CTSC: variants seen among roughly 807,000 people sequenced by gnomAD.
The protein encoded by CTSC is cathepsin C.
In CTSC, 37 loss-of-function variants were observed where a neutral mutation model predicts 40.9. The ratio of observed to expected loss-of-function variants is 0.91; its 90% confidence interval spans 0.70 to 1.19. The LOEUF (loss-of-function observed/expected upper bound fraction) is 1.19, where lower values mean the gene tolerates loss of function less well. CTSC is among the 50% of genes most tolerant of loss of function. The pLI, the probability that CTSC is intolerant of heterozygous loss-of-function variation, is 0.00. For synonymous variants in CTSC, 232 were observed against 207.4 expected, an observed-to-expected ratio of 1.12 and a Z score of -1.02; for missense variants, 594 against 567.3, an observed-to-expected ratio of 1.05 and a Z score of -0.48.
At chr11:88,305,374 C>G (rs902859519) in intron 4 of CTSC, among the ~76,000 whole-genome samples, 1 of 152,138 alleles carries the variant, frequency 6.6e-6, no homozygotes, top group African/African-American at 2.4e-5. Flanking sequence ...GATCAGGACC[C>G]CTTTCCAGTA....
chr11:88,327,088 A>T (rs1451762598), intron 2 of CTSC, among the ~76,000 whole-genome samples: 1 of 152,234 alleles, frequency 6.6e-6, no homozygotes, highest in East Asian at 1.9e-4. Context: ...AAACTATTTA[A>T]TACATTCTAT....
intron 2 of CTSC, chr11:88,326,050 T>A: frequency 9.0e-7 from 1 of 1,107,490 alleles, no homozygotes; most frequent in African/African-American, 1.6e-5. Flanking sequence ...AAAATCACTG[T>A]AATAGAAGGG....
At position 88,296,157 on chromosome 11, in the gene CTSC, C is replaced by T. The variant is rs951902713; in HGVS notation, c.865G>A (p.Val289Met). ...CCTTGAGCATACTGGCTACAAGACA[C>T]AACCTCCTGAGGGCTTAGGATTGGG... Reference protein sequence around the residue: ...QTPILSPQEVVSCSQYAQGCE... With the variant: ...QTPILSPQEVMSCSQYAQGCE... The change falls in exon 6 of 7, where the codon GTG becomes ATG. Residue 289 changes from valine (V) to methionine (M), a missense_variant. Transcript: ENST00000227266. 7 of 1,613,884 alleles carry T rather than the reference C, an allele frequency of 4.3e-6. No individual in the cohort carries two copies. Among genetic ancestry groups the T allele is most frequent in the Non-Finnish European group, 5.9e-6 (7 of 1,179,930 alleles).
At chr11:88,326,441 T>C (rs1938190531) in intron 2 of CTSC, 1 of 1,607,488 alleles carries the variant, frequency 6.2e-7, no homozygotes, top group South Asian at 1.1e-5. Flanking sequence ...CTCTATTTAA[T>C]AACTACAAGA....
intron 2 of CTSC, among the ~76,000 whole-genome samples, chr11:88,319,482 G>A (rs1937949495): frequency 6.6e-6 from 1 of 151,972 alleles, no homozygotes; most frequent in Admixed American, 6.6e-5. Flanking sequence ...AATTCTTTAA[G>A]ATTTTAAAAC....
At chr11:88,299,584 G>A (rs1944335780) in intron 5 of CTSC, 1 of 152,088 alleles carries the variant, frequency 6.6e-6, no homozygotes, top group East Asian at 1.9e-4. Context: ...GAGCTTGGAG[G>A]GCAAGTGATG....
intron 2 of CTSC, among the ~76,000 whole-genome samples, chr11:88,320,276 T>C (rs921353312): frequency 1.3e-5 from 2 of 152,226 alleles, no homozygotes; most frequent in Non-Finnish European, 2.9e-5. Flanking sequence ...TTTCCAGTGC[T>C]GAAAGGACAT....
chr11:88,308,122 G>A (rs998870953), intron 4 of CTSC, among the ~76,000 whole-genome samples: 1 of 152,190 alleles, frequency 6.6e-6, no homozygotes, highest in African/African-American at 2.4e-5. Context: ...AACTATGAGA[G>A]TGAAAGAGAG....
chr11:88,295,360 C>A (rs1324695281), intron 6 of CTSC, among the ~76,000 whole-genome samples: 1 of 152,016 alleles, frequency 6.6e-6, no homozygotes, highest in Admixed American at 6.6e-5. Flanking sequence ...CACATACAGC[C>A]TGATCTGAAA....
intron 2 of CTSC, chr11:88,326,234 G>A: frequency 6.8e-7 from 1 of 1,481,140 alleles, no homozygotes; most frequent in South Asian, 1.4e-5. Context: ...GGAGTGTTCA[G>A]GAGGGCAGCT....
At chr11:88,305,187 T>A (rs1250035434) in intron 4 of CTSC, among the ~76,000 whole-genome samples, 1 of 152,132 alleles carries the variant, frequency 6.6e-6, no homozygotes, top group East Asian at 1.9e-4. Flanking sequence ...TTGTTTAGCA[T>A]ACAATCAAGA....
At chr11:88,316,997 T>G (rs1399139001) in intron 2 of CTSC, among the ~76,000 whole-genome samples, 1 of 152,000 alleles carries the variant, frequency 6.6e-6, no homozygotes, top group Non-Finnish European at 1.5e-5. Context: ...GATGGAGTCT[T>G]GTTCTGTCAC....
At chr11:88,333,632 G>C (rs1309124317) in intron 2 of CTSC, among the ~76,000 whole-genome samples, 3 of 152,100 alleles carry the variant, frequency 2.0e-5, no homozygotes, top group Admixed American at 2.0e-4. Flanking sequence ...TTATTTTCAG[G>C]TTAAATATAC....
chr11:88,304,773 T>C (rs1937615816), intron 4 of CTSC, among the ~76,000 whole-genome samples: 1 of 152,172 alleles, frequency 6.6e-6, no homozygotes, highest in South Asian at 2.1e-4. Flanking sequence ...TCCTCACTGC[T>C]ACACTCCCAC....
At position 88,296,229 on chromosome 11, in the gene CTSC, C is replaced by T. The variant is rs1363881627; in HGVS notation, c.793G>A (p.Gly265Ser). Reference sequence around the variant, plus strand: ...ATACGGATTCTCGCTTCTAGCATACCCATAGAAGCAAATGAGTAGCAGCTG... The same window carrying T: ...ATACGGATTCTCGCTTCTAGCATACTCATAGAAGCAAATGAGTAGCAGCTG... ...CGSCYSFASM[G>S]MLEARIRILT... The change falls in exon 6 of 7, where the codon GGT (glycine) becomes AGT (serine). Residue 265 changes from glycine (G) to serine (S), a missense_variant. Gly to Ser is a moderately conservative substitution (Grantham distance 56). Transcript: ENST00000227266. 2 of 1,613,766 alleles carry T rather than the reference C, an allele frequency of 1.2e-6. No individual in the cohort carries two copies. The highest frequency in any genetic ancestry group is 2.2e-5 in the East Asian group (1 of 44,876).
At chr11:88,301,981 T>C (rs1369083527) in intron 4 of CTSC, among the ~76,000 whole-genome samples, 1 of 152,068 alleles carries the variant, frequency 6.6e-6, no homozygotes. Flanking sequence ...CCCTAAGAGT[T>C]TTTCCCTAAC....
intron 5 of CTSC, 117 bp from the exon 6 acceptor site, chr11:88,296,381 A>G: frequency 2.3e-6 from 3 of 1,279,632 alleles, no homozygotes; most frequent in Admixed American, 3.8e-5. Context: ...GTTGTTTATA[A>G]GAATCAGCAC....
chr11:88,294,385 A>G lies in CTSC; in HGVS notation c.1013T>C (p.Phe338Ser). The G allele has an allele frequency of 6.2e-7, 1 of 1,614,136 alleles. No individual in the cohort carries two copies. Among genetic ancestry groups the G allele is most frequent in the Non-Finnish European group, 8.5e-7 (1 of 1,180,010 alleles). Reference sequence around the variant, plus strand: ...GTGGTACTCAGAGGAGTAATAACGAAAGCAGTCTTCCTTCATTTTGCATGG... The same window carrying G: ...GTGGTACTCAGAGGAGTAATAACGAGAGCAGTCTTCCTTCATTTTGCATGG... ...DSPCKMKEDC[F>S]RYYSSEYHYV... is the part of the protein sequence containing the mutation. The change falls in exon 7 of 7, where the codon TTT becomes TCT. Residue 338 changes from phenylalanine (F) to serine (S), a missense_variant. Physicochemically the swap from Phe to Ser is radical, Grantham distance 155. Transcript: ENST00000227266.
At chr11:88,328,033 C>T in intron 2 of CTSC, 2 of 882,080 alleles carry the variant, frequency 2.3e-6, no homozygotes, top group Non-Finnish European at 3.9e-6. Flanking sequence ...AATAAATAGG[C>T]ATTAATTTGC....
Sources: allele counts gnomAD v4.1 joint callset (sites outside exome capture counted in the v4.1 genomes callset), GRCh38; gene constraint gnomAD v4.1.1; transcripts MANE v1.5; gene names NCBI Gene and HGNC (gene_info 2026-07-23, HGNC 2026-07-21).